SDCCAG8: variants seen among roughly 807,000 people sequenced by gnomAD.
SDCCAG8 encodes SHH signaling and ciliogenesis regulator SDCCAG8, also known as serologically defined colon cancer antigen 8.
A neutral mutation model predicts 101.8 loss-of-function variants in SDCCAG8; 74 were observed. The ratio of observed to expected loss-of-function variants is 0.73; its 90% CI spans 0.60 to 0.88. SDCCAG8 has a LOEUF of 0.88. Among genes scored for constraint, SDCCAG8 ranks in the 40% least tolerant of loss-of-function variants. SDCCAG8 has a pLI of 0.00. For synonymous variants in SDCCAG8, 281 were observed against 292.9 expected (o/e 0.96, Z 0.41); for missense variants, 787 against 822.6 (o/e 0.96, Z 0.53).
At chr1:243,396,536 T>C (rs2079045433) in intron 13 of SDCCAG8, among the ~76,000 whole-genome samples, 1 of 152,248 alleles carries the variant, frequency 6.6e-6, no homozygotes, top group South Asian at 2.1e-4. Flanking sequence ...GTGTAAAATT[T>C]CTTAATTGGA....
At chr1:243,317,010 A>G in intron 9 of SDCCAG8, 117 bp downstream of exon 9, 1 of 1,069,924 alleles carries the variant, frequency 9.3e-7, no homozygotes, top group Non-Finnish European at 1.4e-6. Context: ...CACAAAGTGA[A>G]TTATCAATCT....
At position 243,267,191 on chromosome 1, in the gene SDCCAG8, G is replaced by T. The variant is rs537140709; in HGVS notation, c.68-2914G>T. 5.6e-5 allele frequency: 9 copies of T among 162,016 alleles called. 1 individual carries two copies. The South Asian group carries it at 1.1e-3, about 19-fold the overall frequency. 10.0% of individuals were successfully genotyped at this position (162,016 alleles called of 1,614,324 possible). ...CTGAGAGGCGGAGGTTGTAGTGAGT[G>T]AAGATCGCACCACTACACTGCAGCC... On this transcript the variant is annotated intron_variant, in intron 1 of 17. Coordinates refer to ENST00000366541, the MANE Select transcript of SDCCAG8 (RefSeq NM_006642.5).
intron 4 of SDCCAG8, among the ~76,000 whole-genome samples, chr1:243,283,886 A>G (rs2069322700): frequency 6.6e-6 from 1 of 152,014 alleles, no homozygotes; most frequent in African/African-American, 2.4e-5. Context: ...GATAACAGGC[A>G]TGCACCACCA....
In SDCCAG8 at chr1:243,344,784, A is replaced by T. The variant is rs537608620; in HGVS notation, c.1473+453A>T. Reference sequence around the variant, plus strand: ...CAGAGTGAAACCAGTTTTAACTAAGATAACCATGAATACGTTTGTTCATGA... The same window carrying T: ...CAGAGTGAAACCAGTTTTAACTAAGTTAACCATGAATACGTTTGTTCATGA... On this transcript the variant is annotated intron_variant, in intron 12 of 17. Coordinates refer to ENST00000366541, the MANE Select transcript of SDCCAG8 (RefSeq NM_006642.5). Among the ~76,000 whole-genome samples the T allele has an allele frequency of 8.1e-4, 124 of 152,350 alleles. No homozygotes were observed. In the Middle Eastern group the frequency reaches 0.01, roughly 13 times the overall value.
intron 16 of SDCCAG8, among the ~76,000 whole-genome samples, chr1:243,486,886 C>T (rs1299017869): frequency 6.6e-6 from 1 of 152,110 alleles, no homozygotes; most frequent in Non-Finnish European, 1.5e-5. Flanking sequence ...TGTCATTTGT[C>T]ACGTTTCTGT....
At chr1:243,378,068 T>C (rs1156934396) in intron 12 of SDCCAG8, among the ~76,000 whole-genome samples, 2 of 151,928 alleles carry the variant, frequency 1.3e-5, no homozygotes, top group African/African-American at 4.8e-5. Flanking sequence ...TATATATTCA[T>C]ATTTGTCTTA....
intron 12 of SDCCAG8, among the ~76,000 whole-genome samples, chr1:243,352,472 C>A (rs2076132986): frequency 6.6e-6 from 1 of 152,208 alleles, no homozygotes; most frequent in Non-Finnish European, 1.5e-5. Context: ...TGCCAACTTG[C>A]AAAGTGCCTT....
chr1:243,439,881 A>G (rs1440144761), intron 16 of SDCCAG8, among the ~76,000 whole-genome samples: 3 of 152,228 alleles, frequency 2.0e-5, no homozygotes, highest in African/African-American at 7.2e-5. Flanking sequence ...TTGGACTACA[A>G]GTGACAGTGT....
chr1:243,488,746 T>G (rs1665634539), intron 16 of SDCCAG8, among the ~76,000 whole-genome samples: 1 of 152,154 alleles, frequency 6.6e-6, no homozygotes, highest in African/African-American at 2.4e-5. Context: ...AGCTTCCTTT[T>G]CCTTCTACTT....
chr1:243,318,711 A>G (rs2073483563), intron 9 of SDCCAG8, among the ~76,000 whole-genome samples: 1 of 152,082 alleles, frequency 6.6e-6, no homozygotes, highest in East Asian at 1.9e-4. Flanking sequence ...TGTGAGCTCT[A>G]GCTGTCCCTC....
At chr1:243,479,109 A>C (rs1277382198) in intron 16 of SDCCAG8, among the ~76,000 whole-genome samples, 1 of 152,258 alleles carries the variant, frequency 6.6e-6, no homozygotes, top group Non-Finnish European at 1.5e-5. Context: ...AGCAATGGTT[A>C]AGTGTTGGAA....
At chr1:243,362,026 A>G (rs1474087168) in intron 12 of SDCCAG8, among the ~76,000 whole-genome samples, 1 of 148,862 alleles carries the variant, frequency 6.7e-6, no homozygotes, top group Non-Finnish European at 1.5e-5. Flanking sequence ...GACTGCCTCA[A>G]GTAACACAGT....
chr1:243,282,803 T>C (rs2069177841), intron 4 of SDCCAG8, among the ~76,000 whole-genome samples: 1 of 152,170 alleles, frequency 6.6e-6, no homozygotes, highest in South Asian at 2.1e-4. Flanking sequence ...TGCTTCTTTG[T>C]AGGTAAGGTT....
intron 16 of SDCCAG8, among the ~76,000 whole-genome samples, chr1:243,443,028 C>T (rs2082648421): frequency 6.6e-6 from 1 of 152,158 alleles, no homozygotes; most frequent in Non-Finnish European, 1.5e-5. Context: ...TAAAGAGGGA[C>T]ACTTATTTTG....
At chr1:243,426,644 A>T in intron 16 of SDCCAG8, 86 bp downstream of exon 16, 3 of 1,487,130 alleles carry the variant, frequency 2.0e-6, no homozygotes, top group Non-Finnish European at 2.8e-6. Context: ...CGGAATAAGT[A>T]GAATTCATCA....
At chr1:243,376,945 A>G (rs2077633059) in intron 12 of SDCCAG8, among the ~76,000 whole-genome samples, 1 of 152,206 alleles carries the variant, frequency 6.6e-6, no homozygotes, top group African/African-American at 2.4e-5. Flanking sequence ...GAGCTTTCAT[A>G]ATGTGATCTA....
chr1:243,260,196 T>G (rs1401470406), intron 1 of SDCCAG8, among the ~76,000 whole-genome samples: 1 of 152,220 alleles, frequency 6.6e-6, no homozygotes, highest in Non-Finnish European at 1.5e-5. Flanking sequence ...TCTGTTGTAT[T>G]ATTCCTACAT....
chr1:243,495,082 A>T (rs1667447551), intron 17 of SDCCAG8, among the ~76,000 whole-genome samples: 1 of 152,220 alleles, frequency 6.6e-6, no homozygotes, highest in African/African-American at 2.4e-5. Context: ...GGAAGTTCTC[A>T]TGACTCAGGG....
chr1:243,444,130 T>G (rs1468658928), intron 16 of SDCCAG8, among the ~76,000 whole-genome samples: 1 of 152,164 alleles, frequency 6.6e-6, no homozygotes, highest in Non-Finnish European at 1.5e-5. Context: ...TGAGCCTAGT[T>G]TGTATAATTT....
Sources: allele counts gnomAD v4.1 joint callset (sites outside exome capture counted in the v4.1 genomes callset), GRCh38; gene constraint gnomAD v4.1.1; transcripts MANE v1.5; gene names NCBI Gene and HGNC (gene_info 2026-07-23, HGNC 2026-07-21).